PTK7: variants seen among roughly 807,000 people sequenced by gnomAD.
The protein encoded by PTK7 is inactive tyrosine-protein kinase 7.
PTK7 carries 39 observed loss-of-function variants against 116.6 expected under a neutral mutation model. The observed-to-expected ratio is 0.33, with a 90% CI of 0.26 to 0.44. PTK7 has a LOEUF of 0.44. Ranked by LOEUF, PTK7 falls within the 20% of genes least tolerant of loss-of-function variation. The pLI, the probability that PTK7 is intolerant of heterozygous loss-of-function variation, is 1.00. For synonymous variants in PTK7, 546 were observed against 563.6 expected, an observed-to-expected ratio of 0.97 and a Z score of 0.44; for missense variants, 1,169 against 1,425.6, an observed-to-expected ratio of 0.82 and a Z score of 2.90.
At chr6:43,154,717 C>G (rs997845801) in intron 17 of PTK7, among the ~76,000 whole-genome samples, 1 of 152,248 alleles carries the variant, frequency 6.6e-6, no homozygotes. Context: ...AGTGTCCCCT[C>G]TCCTAGCGCT....
At chr6:43,152,040 G>A (rs1339856996) in intron 17 of PTK7, among the ~76,000 whole-genome samples, 2 of 151,068 alleles carry the variant, frequency 1.3e-5, no homozygotes, top group African/African-American at 4.9e-5. Context: ...GTAGAGACGG[G>A]GTTTCATCAT....
At chr6:43,142,716 A>G (rs1469308456) in intron 13 of PTK7, 1 of 244,374 alleles carries the variant, frequency 4.1e-6, no homozygotes, top group Admixed American at 4.9e-5. Context: ...CCCCTGGGAG[A>G]CTTATTTCTC....
chr6:43,085,533 C>T (rs969324296), intron 1 of PTK7, among the ~76,000 whole-genome samples: 24 of 151,636 alleles, frequency 1.6e-4, no homozygotes, highest in African/African-American at 5.6e-4. Context: ...AGGCATAAGC[C>T]ACTGTGCCTG....
At chr6:43,087,590 G>A (rs966162471) in intron 1 of PTK7, among the ~76,000 whole-genome samples, 4 of 152,196 alleles carry the variant, frequency 2.6e-5, no homozygotes, top group Non-Finnish European at 4.4e-5. Context: ...AGGAGCACTA[G>A]GGTCAGTGTT....
chr6:43,096,363 TC>T (rs771944354), intron 1 of PTK7, among the ~76,000 whole-genome samples: 1 of 152,010 alleles, frequency 6.6e-6, no homozygotes, highest in Non-Finnish European at 1.5e-5. Context: ...TTTTGTCACT[TC>T]CTTGCAGTTG....
intron 1 of PTK7, among the ~76,000 whole-genome samples, chr6:43,125,002 G>T (rs1298225295): frequency 6.6e-6 from 1 of 152,122 alleles, no homozygotes; most frequent in Non-Finnish European, 1.5e-5. Flanking sequence ...GAGAAACTCA[G>T]TCTCTACTAA....
chr6:43,088,134 C>T (rs774598207), intron 1 of PTK7, among the ~76,000 whole-genome samples: 12 of 151,772 alleles, frequency 7.9e-5, no homozygotes, highest in African/African-American at 2.2e-4. Flanking sequence ...CCCATCTCTA[C>T]GGAATAGAAA....
rs185188910 is a variant in PTK7, at chr6:43,143,857, C to G, written c.2251+237C>G. Among the ~76,000 whole-genome samples, 9 of 152,346 alleles carry G rather than the reference C, an allele frequency of 5.9e-5. No homozygotes were observed. Among genetic ancestry groups the G allele is most frequent in the Admixed American group, 2.6e-4 (4 of 15,304 alleles). On this transcript the variant is annotated intron_variant, in intron 14 of 19. Coordinates refer to ENST00000230419, the MANE Select transcript of PTK7 (RefSeq NM_002821.5). The surrounding 1 kb of genome is among the most constrained non-coding windows in gnomAD (Gnocchi z 4.2). ...CCCCTTGGACCAGCTTCCTATGATT[C>G]CCTGCTGTTTCCTCCTCCCAGCACA...
At position 43,093,796 on chromosome 6, in the gene PTK7, G is replaced by A. The variant is rs111258186; in HGVS notation, c.79+17229G>A. On this transcript the variant is annotated intron_variant, in intron 1 of 19. Transcript: ENST00000230419. ...TGAAGCAACAGAAGAACGAAGGCAG[G>A]GATTTATTGAAAATGAAAGTACACT... is the stretch of plus-strand genomic sequence containing the variant. Among the ~76,000 whole-genome samples, 647 of 152,238 alleles carry A rather than the reference G, an allele frequency of 4.2e-3. 4 individuals carry two copies. The highest frequency in any genetic ancestry group is 0.014 in the African/African-American group (591 of 41,538).
At position 43,142,245 on chromosome 6, in the gene PTK7, A is replaced by C; in HGVS notation, c.1993A>C (p.Ile665Leu). The C allele has an allele frequency of 1.2e-6, 2 of 1,614,134 alleles. No individual in the cohort carries two copies. The highest frequency in any genetic ancestry group is 1.7e-6 in the Non-Finnish European group (2 of 1,180,032). Residue 665 changes from isoleucine to leucine, a missense_variant, in exon 13 of 20, where the codon ATT becomes CTT. By Grantham distance (5) the Ile-to-Leu change is conservative (BLOSUM62 2). Around this residue, in one of 3 missense-constraint regions of PTK7, gnomAD observed 678 missense variants for 853.8 expected, o/e 0.79. Coordinates refer to ENST00000230419, the MANE Select transcript of PTK7 (RefSeq NM_002821.5). ...APEDSGRYTC[I>L]AGNSCNIKHT... is the part of the protein sequence containing the mutation. ...TGAGGACTCAGGCCGCTACACCTGC[A>C]TTGCAGGCAACAGCTGCAACATCAA...
rs1223765956 is a variant in PTK7 at position 43,143,789 on chromosome 6, C to T, written c.2251+169C>T. Among the ~76,000 whole-genome samples, 1 of 152,192 alleles carries T rather than the reference C, an allele frequency of 6.6e-6. No homozygotes were observed. Reference sequence around the variant, plus strand: ...GAAGCCTGGAGTTGGATTCCCAGGGCCTCGTCTTCTGAGCAACCTGGCTTG... The same window carrying T: ...GAAGCCTGGAGTTGGATTCCCAGGGTCTCGTCTTCTGAGCAACCTGGCTTG... On this transcript the variant is annotated intron_variant, in intron 14 of 19. Coordinates refer to ENST00000230419, the MANE Select transcript of PTK7 (RefSeq NM_002821.5). The surrounding 1 kb of genome is among the most constrained non-coding windows in gnomAD (Gnocchi z 4.2).
chr6:43,084,544 G>C (rs1766549467), intron 1 of PTK7, among the ~76,000 whole-genome samples: 1 of 152,228 alleles, frequency 6.6e-6, no homozygotes, highest in South Asian at 2.1e-4. Context: ...CTGAAGCGGA[G>C]GTGTGGTGTT....
At chr6:43,140,628 C>T (rs1485695851) in intron 10 of PTK7, among the ~76,000 whole-genome samples, 1 of 151,916 alleles carries the variant, frequency 6.6e-6, no homozygotes, top group Non-Finnish European at 1.5e-5. Flanking sequence ...TAGCTCATGC[C>T]TGTAATCCCA....
rs757029950 is a variant in PTK7 at position 43,160,799 on chromosome 6, G to T, written c.3131G>T (p.Trp1044Leu). ...CTCTATCGGCTGATGCAGCGCTGCT[G>T]GGCCCTCAGCCCCAAGGACCGGCCC... ...SKLYRLMQRC[W>L]ALSPKDRPSF... Residue 1044 changes from tryptophan to leucine, a missense_variant, in exon 20 of 20, where the codon TGG becomes TTG. Coordinates refer to ENST00000230419, the MANE Select transcript of PTK7 (RefSeq NM_002821.5). The T allele has an allele frequency of 6.2e-7, 1 of 1,614,170 alleles. No individual in the cohort carries two copies. Among genetic ancestry groups the T allele is most frequent in the South Asian group, 1.1e-5 (1 of 91,090 alleles).
intron 1 of PTK7, among the ~76,000 whole-genome samples, chr6:43,078,580 T>C (rs550348171): frequency 3.3e-4 from 51 of 152,282 alleles, no homozygotes; most frequent in African/African-American, 1.2e-3. Context: ...CATTGTTTAA[T>C]TGTGTAATTA....
intron 17 of PTK7, among the ~76,000 whole-genome samples, chr6:43,152,351 G>A (rs1771167068): frequency 6.6e-6 from 1 of 152,012 alleles, no homozygotes; most frequent in South Asian, 2.1e-4. Flanking sequence ...CCAACATGGT[G>A]AAACCCTGTC....
At chr6:43,159,218 T>C (rs1461712658) in intron 18 of PTK7, among the ~76,000 whole-genome samples, 1 of 152,200 alleles carries the variant, frequency 6.6e-6, no homozygotes, top group Non-Finnish European at 1.5e-5. Flanking sequence ...TTTTAAAAAA[T>C]AGGCAAATTT....
intron 1 of PTK7, among the ~76,000 whole-genome samples, chr6:43,080,141 A>G (rs1312836841): frequency 6.6e-6 from 1 of 151,522 alleles, no homozygotes; most frequent in Non-Finnish European, 1.5e-5. Flanking sequence ...TCATGAGGTT[A>G]GGAGAGCGAG....
chr6:43,079,439 G>A (rs1220796728), intron 1 of PTK7, among the ~76,000 whole-genome samples: 1 of 122,936 alleles, frequency 8.1e-6, no homozygotes, highest in Non-Finnish European at 1.6e-5. Flanking sequence ...CAGCTTGGGC[G>A]AGATCGTGCC....
Sources: allele counts gnomAD v4.1 joint callset (sites outside exome capture counted in the v4.1 genomes callset), GRCh38; gene constraint gnomAD v4.1.1; regional missense constraint gnomAD v4.1.1; non-coding constraint Gnocchi (gnomAD v3.1); transcripts MANE v1.5; gene names NCBI Gene and HGNC (gene_info 2026-07-23, HGNC 2026-07-21).